The following CSMD1 variants were observed in gnomAD, a reference collection of about 807,000 sequenced individuals.
The protein encoded by CSMD1 is CUB and sushi domain-containing protein 1.
Under a neutral mutation model 417.5 loss-of-function variants are expected in CSMD1, and 213 were observed. The observed-to-expected ratio is 0.51, with a 90% CI of 0.46 to 0.57. The LOEUF is 0.57. Among genes scored for constraint, CSMD1 ranks in the 20% least tolerant of loss-of-function variants. The pLI is 0.00. For missense variants in CSMD1, 6,923 were observed against 4,529.7 expected (o/e 1.53, Z -15.17); for synonymous variants, 2,862 against 1,736.8 (o/e 1.65, Z -16.11).
At chr8:4,466,323 A>G (rs1800166595) in intron 2 of CSMD1, among the ~76,000 whole-genome samples, 1 of 152,130 alleles carries the variant, frequency 6.6e-6, no homozygotes, top group Non-Finnish European at 1.5e-5. Context: ...AAGAGGGAAG[A>G]AAGAAAGGGA....
At chr8:4,515,829 T>C (rs1379419272) in intron 2 of CSMD1, among the ~76,000 whole-genome samples, 3 of 152,304 alleles carry the variant, frequency 2.0e-5, no homozygotes, top group South Asian at 4.1e-4. Context: ...TATTTCTTCA[T>C]TGCAGGCTGA....
At chr8:4,357,241 G>C (rs557914755) in intron 3 of CSMD1, among the ~76,000 whole-genome samples, 2 of 152,252 alleles carry the variant, frequency 1.3e-5, no homozygotes, top group Admixed American at 6.5e-5. Context: ...TTACGTGCTA[G>C]AATTAGAGGT....
intron 3 of CSMD1, among the ~76,000 whole-genome samples, chr8:4,302,922 T>C (rs1196604546): frequency 6.6e-6 from 1 of 152,054 alleles, no homozygotes; most frequent in African/African-American, 2.4e-5. Context: ...CAGATTTTTT[T>C]TTTCTGGAAA....
At chr8:4,176,658 C>A (rs1045871303) in intron 3 of CSMD1, among the ~76,000 whole-genome samples, 3 of 151,638 alleles carry the variant, frequency 2.0e-5, no homozygotes, top group African/African-American at 7.3e-5. Context: ...AGTCAAGACC[C>A]ATCAGTGTGC....
rs922700461 is a variant in CSMD1 at position 4,734,419 on chromosome 8, G to GA, written c.86-96862dup. 2.8e-3 allele frequency among the ~76,000 whole-genome samples: 420 copies of GA among 150,242 alleles called. 3 individuals carry two copies. The highest frequency in any genetic ancestry group is 9.5e-3 in the African/African-American group (392 of 41,088). ...TTTTTCTTTTGTTTAGTGAGTCCCT[G>GA]AAAAAAAAAGGTGAAAAGTTGAATA... On this transcript the variant is annotated intron_variant, in intron 1 of 69. Transcript: ENST00000635120.
At chr8:4,811,773 T>G (rs1191190177) in intron 1 of CSMD1, among the ~76,000 whole-genome samples, 1 of 152,150 alleles carries the variant, frequency 6.6e-6, no homozygotes, top group Non-Finnish European at 1.5e-5. Context: ...ATTCAGTTTA[T>G]TTTAGGAATA....
chr8:4,890,426 G>C (rs779118389), intron 1 of CSMD1, among the ~76,000 whole-genome samples: 1 of 151,594 alleles, frequency 6.6e-6, no homozygotes, highest in Non-Finnish European at 1.5e-5. Context: ...GCGTGACTCC[G>C]ACACCCTCCC....
intron 3 of CSMD1, among the ~76,000 whole-genome samples, chr8:4,219,759 AAAT>A (rs1373558826): frequency 3.3e-5 from 5 of 152,140 alleles, no homozygotes; most frequent in African/African-American, 1.2e-4. Flanking sequence ...CTTTTCCTGA[AAAT>A]AATATTTTTA....
At chr8:3,262,230 TACAC>T (rs1554490216) in intron 26 of CSMD1, among the ~76,000 whole-genome samples, 15 of 95,628 alleles carry the variant, frequency 1.6e-4, no homozygotes, top group South Asian at 1.1e-3. Flanking sequence ...TATATATATA[TACAC>T]ACACATAGTT....
intron 8 of CSMD1, among the ~76,000 whole-genome samples, chr8:3,595,951 C>A (rs1294378437): frequency 6.6e-6 from 1 of 152,168 alleles, no homozygotes; most frequent in East Asian, 1.9e-4. Flanking sequence ...ATCTTCTTCT[C>A]TTTTGTGTCT....
At chr8:3,602,170 A>G (rs1287536134) in intron 8 of CSMD1, among the ~76,000 whole-genome samples, 6 of 152,234 alleles carry the variant, frequency 3.9e-5, no homozygotes, top group Non-Finnish European at 7.3e-5. Flanking sequence ...TTTTATCACA[A>G]TTAAACATTC....
chr8:4,105,097 T>G (rs993504574), intron 3 of CSMD1, among the ~76,000 whole-genome samples: 3 of 152,040 alleles, frequency 2.0e-5, no homozygotes, highest in Admixed American at 6.5e-5. Flanking sequence ...AAGGGAGGGT[T>G]TTAATGTGTC....
intron 6 of CSMD1, among the ~76,000 whole-genome samples, chr8:3,717,230 T>A (rs906820032): frequency 1.3e-5 from 2 of 152,222 alleles, no homozygotes. Context: ...TAAACGTACC[T>A]TTCCATTATG....
intron 3 of CSMD1, among the ~76,000 whole-genome samples, chr8:4,135,740 A>C (rs756595756): frequency 1.1e-4 from 16 of 152,218 alleles, no homozygotes; most frequent in Non-Finnish European, 1.9e-4. Flanking sequence ...TTTATCATTT[A>C]AAGAATTGCT....
intron 5 of CSMD1, among the ~76,000 whole-genome samples, chr8:3,809,008 A>G (rs976896618): frequency 6.6e-6 from 1 of 152,136 alleles, no homozygotes; most frequent in African/African-American, 2.4e-5. Flanking sequence ...GACATGGATG[A>G]TTCAAGGATG....
At chr8:4,085,852 C>T (rs1389650639) in intron 3 of CSMD1, among the ~76,000 whole-genome samples, 1 of 152,110 alleles carries the variant, frequency 6.6e-6, no homozygotes, top group Admixed American at 6.5e-5. Flanking sequence ...CCCAGAGTTT[C>T]CCTGTCAGTA....
At chr8:4,239,214 G>A (rs150202438) in intron 3 of CSMD1, among the ~76,000 whole-genome samples, 19 of 152,262 alleles carry the variant, frequency 1.2e-4, no homozygotes, top group Middle Eastern at 3.4e-3. Context: ...TGAGTCTCAC[G>A]TTTCACATCC....
intron 3 of CSMD1, among the ~76,000 whole-genome samples, chr8:4,362,031 T>G (rs895435465): frequency 6.6e-5 from 10 of 151,924 alleles, no homozygotes; most frequent in Non-Finnish European, 1.5e-5. Flanking sequence ...AAGACAAGGA[T>G]TAGAGGTAGG....
chr8:3,219,978 T>G (rs752816088), intron 28 of CSMD1, among the ~76,000 whole-genome samples: 27 of 152,100 alleles, frequency 1.8e-4, no homozygotes, highest in Non-Finnish European at 1.6e-4. Context: ...AGATCCTGTC[T>G]GTACAAAAAT....
Sources: gnomAD v4.1 joint callset for allele counts (sites outside exome capture counted in the v4.1 genomes callset) on GRCh38, gnomAD v4.1.1 for gene constraint, MANE v1.5 for transcripts, NCBI Gene and HGNC (gene_info 2026-07-23, HGNC 2026-07-21) for gene names.